FASTKD2: variants seen among roughly 807,000 people sequenced by gnomAD.
FASTKD2 encodes the protein FAST kinase domains 2, also known as FAST kinase domain-containing protein 2, mitochondrial.
FASTKD2 carries 51 observed loss-of-function variants against 63.6 expected under a neutral mutation model. The ratio of observed to expected loss-of-function variants is 0.80; its 90% CI spans 0.64 to 1.01. The LOEUF (loss-of-function observed/expected upper bound fraction) is 1.01. FASTKD2 is among the 50% of genes least tolerant of loss of function. FASTKD2 has a pLI of 0.00. For missense variants in FASTKD2, 786 were observed against 831.1 expected, an observed-to-expected ratio of 0.95 and a Z score of 0.67; for synonymous variants, 284 against 293.4, an observed-to-expected ratio of 0.97 and a Z score of 0.33.
intron 7 of FASTKD2, among the ~76,000 whole-genome samples, chr2:206,779,820 TTTCCTTTCTTGTTATC>T (rs1456524862): frequency 6.6e-6 from 1 of 152,244 alleles, no homozygotes; most frequent in Non-Finnish European, 1.5e-5. Context: ...TCTTCTATCT[TTTCCTTTCTTGTTATC>T]TTCCTTTGTG....
intron 9 of FASTKD2, 122 bp from the exon 10 acceptor site, chr2:206,788,697 A>G: frequency 4.7e-6 from 3 of 644,686 alleles, no homozygotes; most frequent in South Asian, 1.8e-5. Flanking sequence ...ACACTACTGC[A>G]CTCCAGCCTG....
At chr2:206,787,795 A>G (rs1690174861) in intron 8 of FASTKD2, 142 bp from the exon 9 acceptor site, 1 of 365,488 alleles carries the variant, frequency 2.7e-6, no homozygotes, top group South Asian at 5.4e-5. Flanking sequence ...AGTCCTTGTG[A>G]TAAGAAAGAG....
At chr2:206,783,764 A>C (rs1690059554) in intron 7 of FASTKD2, among the ~76,000 whole-genome samples, 1 of 152,206 alleles carries the variant, frequency 6.6e-6, no homozygotes. Context: ...CAGGAGGAGA[A>C]TCATGAATGT....
In FASTKD2 at chr2:206,791,699, T is replaced by G; in HGVS notation, c.2030T>G (p.Met677Arg). Residue 677 changes from methionine to arginine, a missense_variant, in exon 12 of 12, where the codon ATG becomes AGG. Met to Arg is a moderately conservative substitution (Grantham distance 91, BLOSUM62 -1). Transcript: ENST00000402774. ...FHVILVNNWE[M>R]DKLEMEDAVT... ...TTTGGTAAGGTCAATAACTGGGAGA[T>G]GGACAAACTAGAGATGGAAGATGCA... The G allele has an allele frequency of 6.2e-7, 1 of 1,612,836 alleles. No individual in the cohort carries two copies.
chr2:206,789,744 C>A (rs1179584660), intron 10 of FASTKD2: 3 of 152,212 alleles, frequency 2.0e-5, no homozygotes, highest in Non-Finnish European at 2.9e-5. Context: ...TCTTTTCAAC[C>A]GCTGTCTTTC....
At chr2:206,784,890 G>A (rs966524357) in intron 7 of FASTKD2, among the ~76,000 whole-genome samples, 10 of 152,224 alleles carry the variant, frequency 6.6e-5, no homozygotes, top group African/African-American at 2.4e-4. Context: ...GGGTAAGGTA[G>A]ATATGTAAAT....
Position 206,777,383 on chromosome 2 carries a change from G to T in FASTKD2, c.1427+2986G>T, listed in dbSNP as rs574185951. ...ATTTGTTGAGAGCCCTTATCATAAAGGTTGTTGAATTTCATCAAATGGTTT... is the reference window on the plus strand; with the variant it reads ...ATTTGTTGAGAGCCCTTATCATAAATGTTGTTGAATTTCATCAAATGGTTT... On this transcript the variant is annotated intron_variant, in intron 7 of 11. Transcript: ENST00000402774. 2.3e-3 allele frequency among the ~76,000 whole-genome samples: 347 copies of T among 152,188 alleles called. 2 individuals carry two copies. Among genetic ancestry groups the T allele is most frequent in the African/African-American group, 7.9e-3 (327 of 41,552 alleles).
intron 7 of FASTKD2, among the ~76,000 whole-genome samples, chr2:206,779,651 G>A (rs1397065861): frequency 6.6e-6 from 1 of 152,176 alleles, no homozygotes; most frequent in East Asian, 1.9e-4. Context: ...CTTCCAACAG[G>A]TCTCTCCCTT....
rs1690360080 is a variant in FASTKD2, at chr2:206,793,710, T to C, written c.*1908T>C. On this transcript the variant is annotated 3_prime_UTR_variant, in exon 12 of 12. Coordinates refer to ENST00000402774, the MANE Select transcript of FASTKD2 (RefSeq NM_001136193.2). ...TTATGACCACCTTTTAGGGTAGTAA[T>C]TTTCAGTTTGTACTAGTTAACCTGG... Among the ~76,000 whole-genome samples the C allele has an allele frequency of 1.3e-5, 2 of 152,228 alleles. No homozygotes were observed. The highest frequency in any genetic ancestry group is 2.9e-5 in the Non-Finnish European group (2 of 68,042).
In FASTKD2 at chr2:206,788,862, A is replaced by G. The variant is rs531103759; in HGVS notation, c.1857A>G (p.Pro619=). The change falls in exon 10 of 12, where the codon CCA becomes CCG. Residue 619 remains proline (P), a synonymous_variant. Coordinates refer to ENST00000402774, the MANE Select transcript of FASTKD2 (RefSeq NM_001136193.2). ...RMDTNRNQVL[P]LSDVDTTSAT... is the part of the protein sequence containing the mutation. ...ACACTAACAGGAATCAAGTGCTACC[A>G]CTTTCTGATGTGGATACAACTTCTG... 6 of 1,588,310 alleles carry G rather than the reference A, an allele frequency of 3.8e-6. No homozygotes were observed. The South Asian group carries it at 5.5e-5, about 15-fold the overall frequency.
At chr2:206,787,858 TACTA>T (rs1274276438) in intron 8 of FASTKD2, 75 bp from the exon 9 acceptor site, 12 of 620,538 alleles carry the variant, frequency 1.9e-5, no homozygotes, top group South Asian at 1.6e-4. Context: ...TTATAACTAT[TACTA>T]AATATATACT....
Position 206,779,394 on chromosome 2 carries a change from A to G in FASTKD2, c.1427+4997A>G, listed in dbSNP as rs1174689132. On this transcript the variant is annotated intron_variant, in intron 7 of 11. Coordinates refer to ENST00000402774, the MANE Select transcript of FASTKD2 (RefSeq NM_001136193.2). Reference sequence around the variant, plus strand: ...TAGTCTATTCTCACGTTGCTATACTACCTAAGACTGTGTAATTTATAAAGA... The same window carrying G: ...TAGTCTATTCTCACGTTGCTATACTGCCTAAGACTGTGTAATTTATAAAGA... Among the ~76,000 whole-genome samples the G allele has an allele frequency of 3.9e-5, 6 of 152,140 alleles. No homozygotes were observed. In the East Asian group the frequency reaches 1.2e-3, roughly 29 times the overall value.
Position 206,792,875 on chromosome 2 carries a change from C to T in FASTKD2, c.*1073C>T, listed in dbSNP as rs933928440. On this transcript the variant is annotated 3_prime_UTR_variant, in exon 12 of 12. Transcript: ENST00000402774. ...CAGGATAGGTATTTGCCCAAGGCTA[C>T]ACAGAGTAGGGGAGGGCTGGAGTTT... Among the ~76,000 whole-genome samples, 1 of 152,124 alleles carries T rather than the reference C, an allele frequency of 6.6e-6. No individual in the cohort carries two copies. Among genetic ancestry groups the T allele is most frequent in the African/African-American group, 2.4e-5 (1 of 41,414 alleles).
chr2:206,793,220 CAAAAAAAAAAAAAAAAA>C lies in FASTKD2; in HGVS notation c.*1433_*1449del, dbSNP rs58656956. Among the ~76,000 whole-genome samples the C allele has an allele frequency of 3.3e-4, 22 of 65,820 alleles. No individual in the cohort carries two copies. The highest frequency in any genetic ancestry group is 1.3e-3 in the African/African-American group (21 of 16,218). 43.2% of individuals were successfully genotyped at this position (65,820 alleles called of 152,430 possible). A position where few individuals can be genotyped will look rare whatever the true frequency, so the allele number is the denominator to read the frequency against. On this transcript the variant is annotated 3_prime_UTR_variant, in exon 12 of 12. Coordinates refer to ENST00000402774, the MANE Select transcript of FASTKD2 (RefSeq NM_001136193.2). ...CTGACCACAGAGCGAGACTCTGTCT[CAAAAAAAAAAAAAAAAA>C]AAAAAAAAAAAAAATACAAAAACTA...
Position 206,774,216 on chromosome 2 carries a change from C to T in FASTKD2, c.1255-9C>T. 6.3e-7 allele frequency: 1 copy of T among 1,596,226 alleles called. No homozygotes were observed. Among genetic ancestry groups the T allele is most frequent in the Non-Finnish European group, 8.6e-7 (1 of 1,166,678 alleles). Reference sequence around the variant, plus strand: ...TTATAGAGTTTTCCCTCAATTTTCTCTTTTTAAGGTTCTTTTTATCCTCAT... The same window carrying T: ...TTATAGAGTTTTCCCTCAATTTTCTTTTTTTAAGGTTCTTTTTATCCTCAT... On this transcript the variant is annotated splice_polypyrimidine_tract_variant and intron_variant, in intron 6 of 11. Coordinates refer to ENST00000402774, the MANE Select transcript of FASTKD2 (RefSeq NM_001136193.2).
intron 3 of FASTKD2, among the ~76,000 whole-genome samples, chr2:206,770,729 CAA>C (rs549037266): frequency 4.9e-4 from 38 of 77,104 alleles, no homozygotes; most frequent in Non-Finnish European, 7.8e-4. Context: ...GACTCTGTCT[CAA>C]AAAAAAAAAA....
chr2:206,788,686 C>T, intron 9 of FASTKD2, 133 bp from the exon 10 acceptor site: 5 of 618,812 alleles, frequency 8.1e-6, no homozygotes, highest in East Asian at 2.8e-5. Context: ...GAGCTGAGAT[C>T]ACACTACTGC....
chr2:206,780,466 A>G (rs1689942389), intron 7 of FASTKD2, among the ~76,000 whole-genome samples: 1 of 152,250 alleles, frequency 6.6e-6, no homozygotes, highest in East Asian at 1.9e-4. Flanking sequence ...GTTCACTGCT[A>G]GTCTGATGGG....
chr2:206,778,388 G>GATTTCTTCT (rs1051301950), intron 7 of FASTKD2, among the ~76,000 whole-genome samples: 2 of 151,576 alleles, frequency 1.3e-5, no homozygotes, highest in Non-Finnish European at 2.9e-5. Flanking sequence ...TTTCCCTTTT[G>GATTTCTTCT]ATTTCTTCTT....
Sources: allele counts gnomAD v4.1 joint callset (sites outside exome capture counted in the v4.1 genomes callset), GRCh38; gene constraint gnomAD v4.1.1; transcripts MANE v1.5; gene names NCBI Gene and HGNC (gene_info 2026-07-23, HGNC 2026-07-21).